TSPAN15: variants seen among roughly 807,000 people sequenced by gnomAD.
TSPAN15 encodes tetraspanin 15.
TSPAN15 carries 20 observed loss-of-function variants against 34.5 expected under a neutral mutation model. The ratio of observed to expected loss-of-function variants is 0.58; its 90% CI spans 0.41 to 0.84. The LOEUF is 0.84. Ranked by LOEUF, TSPAN15 falls within the 40% of genes least tolerant of loss-of-function variation. The pLI is 0.00. For synonymous variants in TSPAN15, 155 were observed against 153.9 expected, an observed-to-expected ratio of 1.01 and a Z score of -0.05; for missense variants, 313 against 386.1, an observed-to-expected ratio of 0.81 and a Z score of 1.59.
the TSPAN15 span, among the ~76,000 whole-genome samples, chr10:69,538,436 T>TCC: frequency 1.3e-5 from 2 of 152,220 alleles, no homozygotes. Context: ...TGAGTGGTTT[T>TCC]AGGCCCAGGC....
At chr10:69,475,164 C>G (rs73275735) in intron 1 of TSPAN15, among the ~76,000 whole-genome samples, 9,410 of 152,106 alleles carry the variant, frequency 0.062, 1,009 homozygotes, top group African/African-American at 0.22. Context: ...TGAAGTTGCT[C>G]TTGACTCTCC....
At chr10:69,520,110 A>G in the TSPAN15 span, among the ~76,000 whole-genome samples, 1 of 152,160 alleles carries the variant, frequency 6.6e-6, no homozygotes, top group African/African-American at 2.4e-5. Flanking sequence ...GCCCCTATAC[A>G]TTTCCAGAAT....
At chr10:69,466,894 T>C (rs1841395566) in intron 1 of TSPAN15, among the ~76,000 whole-genome samples, 1 of 152,202 alleles carries the variant, frequency 6.6e-6, no homozygotes, top group South Asian at 2.1e-4. Context: ...GGAGAGGCAG[T>C]TGGCGCTCTG....
At chr10:69,521,525 A>T in the TSPAN15 span, among the ~76,000 whole-genome samples, 890 of 148,008 alleles carry the variant, frequency 6.0e-3, 66 homozygotes, top group African/African-American at 0.021. Context: ...CAGTGAGCCA[A>T]GATCACACCA....
chr10:69,517,402 G>A, the TSPAN15 span, among the ~76,000 whole-genome samples: 3 of 152,336 alleles, frequency 2.0e-5, no homozygotes, highest in Non-Finnish European at 2.9e-5. Context: ...CCGGGGGCTC[G>A]GCCCCCTGAA....
intron 1 of TSPAN15, among the ~76,000 whole-genome samples, chr10:69,453,489 G>A (rs1564594475): frequency 6.6e-6 from 1 of 152,134 alleles, no homozygotes; most frequent in African/African-American, 2.4e-5. Context: ...GATGGGTGGG[G>A]AGGTAGGAAG....
At chr10:69,475,847 A>G (rs1348911383) in intron 1 of TSPAN15, among the ~76,000 whole-genome samples, 10 of 152,212 alleles carry the variant, frequency 6.6e-5, no homozygotes, top group Admixed American at 6.5e-4. Context: ...CTCAGACACC[A>G]TGGAAAACTT....
At chr10:69,495,171 G>C (rs969359199) in intron 3 of TSPAN15, 1 of 166,214 alleles carries the variant, frequency 6.0e-6, no homozygotes, top group Non-Finnish European at 1.3e-5. Context: ...GAGGGGCTCT[G>C]GAGGGCAAAG....
chr10:69,505,687 C>T (rs1323019761), intron 6 of TSPAN15, among the ~76,000 whole-genome samples: 1 of 152,056 alleles, frequency 6.6e-6, no homozygotes, highest in African/African-American at 2.4e-5. Context: ...GGACTGCAGG[C>T]ACTGGCCACC....
chr10:69,545,581 A>T, the TSPAN15 span, among the ~76,000 whole-genome samples: 1 of 152,252 alleles, frequency 6.6e-6, no homozygotes, highest in Non-Finnish European at 1.5e-5. Flanking sequence ...AGCAGGCACC[A>T]GGATTTCCTA....
Position 69,451,488 on chromosome 10 carries a change from T to G in TSPAN15, c.-107T>G. On this transcript the variant is annotated 5_prime_UTR_variant, in exon 1 of 8. Coordinates refer to ENST00000373290, the MANE Select transcript of TSPAN15 (RefSeq NM_012339.5). ...GTGTCAGTCCCGGAGAGAACGCCGG[T>G]GGCGGGGCTGGTAGCCCGGCAGCCG... 7.8e-7 allele frequency: 1 copy of G among 1,280,120 alleles called. No homozygotes were observed. The highest frequency in any genetic ancestry group is 9.9e-7 in the Non-Finnish European group (1 of 1,012,392). 79.3% of individuals were successfully genotyped at this position (1,280,120 alleles called of 1,614,324 possible). A position where few individuals can be genotyped will look rare whatever the true frequency, so the allele number is the denominator to read the frequency against.
intron 1 of TSPAN15, among the ~76,000 whole-genome samples, chr10:69,467,248 A>G (rs1841403859): frequency 6.6e-6 from 1 of 152,140 alleles, no homozygotes; most frequent in East Asian, 1.9e-4. Context: ...GATGTGTAAT[A>G]GGTAGGTTCC....
chr10:69,540,170 A>C, the TSPAN15 span, among the ~76,000 whole-genome samples: 1 of 151,802 alleles, frequency 6.6e-6, no homozygotes, highest in South Asian at 2.1e-4. Context: ...AGGTGGGTGG[A>C]TCATGAGGTC....
chr10:69,532,993 C>T, the TSPAN15 span, among the ~76,000 whole-genome samples: 1 of 152,160 alleles, frequency 6.6e-6, no homozygotes, highest in Non-Finnish European at 1.5e-5. Flanking sequence ...CTTAGTCCTG[C>T]AAGAATGGTC....
the TSPAN15 span, among the ~76,000 whole-genome samples, chr10:69,534,818 TAA>T: frequency 0.2 from 24,368 of 123,668 alleles, 2,383 homozygotes; most frequent in East Asian, 0.3. Flanking sequence ...CCCTGTATCT[TAA>T]AAAAAAAAAA....
At chr10:69,476,468 G>A (rs1841615466) in intron 1 of TSPAN15, among the ~76,000 whole-genome samples, 1 of 151,428 alleles carries the variant, frequency 6.6e-6, no homozygotes, top group South Asian at 2.1e-4. Context: ...GAGATGGGAG[G>A]ATCGCTTGAG....
At chr10:69,463,481 G>A (rs1350688921) in intron 1 of TSPAN15, among the ~76,000 whole-genome samples, 1 of 152,160 alleles carries the variant, frequency 6.6e-6, no homozygotes, top group African/African-American at 2.4e-5. Flanking sequence ...TGACTGGTGA[G>A]CTCTGTTGTG....
At chr10:69,530,521 TGTGGCTGGGTGTG>T in the TSPAN15 span, among the ~76,000 whole-genome samples, 1 of 147,188 alleles carries the variant, frequency 6.8e-6, no homozygotes, top group African/African-American at 2.5e-5. Flanking sequence ...AGAATATAGA[TGTGGCTGGGTGTG>T]GTGGCTCACG....
the TSPAN15 span, among the ~76,000 whole-genome samples, chr10:69,548,648 T>C: frequency 6.6e-6 from 1 of 152,136 alleles, no homozygotes; most frequent in African/African-American, 2.4e-5. Context: ...TTCAGGAGGT[T>C]GAGGCAGCTA....
Sources: allele counts gnomAD v4.1 joint callset (sites outside exome capture counted in the v4.1 genomes callset), GRCh38; gene constraint gnomAD v4.1.1; transcripts MANE v1.5; gene names NCBI Gene and HGNC (gene_info 2026-07-23, HGNC 2026-07-21).